Variants in BCAR3 observed in about 807,000 individuals in gnomAD.
The protein encoded by BCAR3 is breast cancer anti-estrogen resistance protein 3.
Under a neutral mutation model 80.1 loss-of-function variants are expected in BCAR3, and 37 were observed. The observed-to-expected ratio is 0.46, with a 90% CI of 0.36 to 0.61. BCAR3 has a LOEUF of 0.61. Ranked by LOEUF, BCAR3 falls within the 20% of genes least tolerant of loss-of-function variation. The probability of loss-of-function intolerance (pLI) is 0.00; values close to 1 mark genes in which losing one functional copy is unlikely to be tolerated. For synonymous variants in BCAR3, 389 were observed against 418.9 expected, an observed-to-expected ratio of 0.93 and a Z score of 0.87; for missense variants, 978 against 1,068.2, an observed-to-expected ratio of 0.92 and a Z score of 1.18.
intron 3 of BCAR3, among the ~76,000 whole-genome samples, chr1:93,614,818 C>A (rs1463423080): frequency 9.9e-5 from 15 of 152,070 alleles, no homozygotes; most frequent in Admixed American, 9.8e-4. Context: ...CTCATCGCCA[C>A]TCTGATTACC....
intron 11 of BCAR3, among the ~76,000 whole-genome samples, chr1:93,566,343 T>G (rs1219436494): frequency 6.6e-6 from 1 of 152,162 alleles, no homozygotes; most frequent in Non-Finnish European, 1.5e-5. Flanking sequence ...ACCAGGTGCT[T>G]CCTCTTTCCT....
intron 2 of BCAR3, among the ~76,000 whole-genome samples, chr1:93,647,911 C>T (rs867199430): frequency 4.6e-5 from 7 of 151,794 alleles, no homozygotes; most frequent in African/African-American, 1.7e-4. Flanking sequence ...TAGCTGGGAT[C>T]GCAGGCATGC....
chr1:93,574,477 A>G (rs904881457), intron 8 of BCAR3, among the ~76,000 whole-genome samples: 3 of 152,218 alleles, frequency 2.0e-5, no homozygotes, highest in Non-Finnish European at 4.4e-5. Flanking sequence ...CTAAGGAGCA[A>G]GACCCCAGCC....
chr1:93,836,753 T>C (rs1165248749), intron 2 of BCAR3, among the ~76,000 whole-genome samples: 2 of 152,132 alleles, frequency 1.3e-5, no homozygotes, highest in Non-Finnish European at 2.9e-5. Flanking sequence ...ACAAAAGAAG[T>C]GAAAATGGCC....
At chr1:93,796,945 A>G (rs899898081) in intron 2 of BCAR3, among the ~76,000 whole-genome samples, 1 of 152,160 alleles carries the variant, frequency 6.6e-6, no homozygotes, top group Non-Finnish European at 1.5e-5. Context: ...TCCACTAGCT[A>G]TACTGCATTA....
intron 2 of BCAR3, among the ~76,000 whole-genome samples, chr1:93,767,412 T>C (rs528759725): frequency 2.0e-5 from 3 of 152,050 alleles, no homozygotes; most frequent in South Asian, 4.2e-4. Context: ...TAGTCTCAGT[T>C]ACTTGGGAGA....
intron 2 of BCAR3, among the ~76,000 whole-genome samples, chr1:93,726,664 A>G (rs574542881): frequency 6.6e-6 from 1 of 152,210 alleles, no homozygotes; most frequent in Non-Finnish European, 1.5e-5. Flanking sequence ...AGTTGATGGC[A>G]TCTTGCAATT....
At chr1:93,585,831 C>T (rs1673920095) in intron 5 of BCAR3, among the ~76,000 whole-genome samples, 1 of 152,118 alleles carries the variant, frequency 6.6e-6, no homozygotes. Context: ...TTCAACCTCC[C>T]AGGCTCAAGC....
intron 2 of BCAR3, among the ~76,000 whole-genome samples, chr1:93,642,685 G>A (rs139756743): frequency 3.3e-5 from 5 of 152,240 alleles, no homozygotes; most frequent in Non-Finnish European, 5.9e-5. Context: ...GTACGGGAAC[G>A]TGTGGCACTT....
intron 3 of BCAR3, among the ~76,000 whole-genome samples, chr1:93,630,399 G>A (rs1276965337): frequency 1.3e-5 from 2 of 151,590 alleles, no homozygotes; most frequent in Admixed American, 6.6e-5. Context: ...CAAGGCAGGC[G>A]AATCACTTGA....
chr1:93,814,498 G>A (rs1215686705), intron 2 of BCAR3, among the ~76,000 whole-genome samples: 1 of 152,224 alleles, frequency 6.6e-6, no homozygotes, highest in Non-Finnish European at 1.5e-5. Flanking sequence ...GGTCCCTGGA[G>A]TGGTAAAGCT....
chr1:93,808,644 G>T (rs1227144423), intron 2 of BCAR3, among the ~76,000 whole-genome samples: 1 of 151,894 alleles, frequency 6.6e-6, no homozygotes, highest in Non-Finnish European at 1.5e-5. Flanking sequence ...GGAAGATAGA[G>T]AACTACACAG....
At chr1:93,706,402 A>T (rs1649829395) in intron 2 of BCAR3, among the ~76,000 whole-genome samples, 1 of 152,196 alleles carries the variant, frequency 6.6e-6, no homozygotes, top group South Asian at 2.1e-4. Context: ...CTCACAGGAC[A>T]GCAGTTCCCT....
upstream of BCAR3, among the ~76,000 whole-genome samples, chr1:93,684,783 G>A (rs551266686): frequency 3.9e-5 from 6 of 152,308 alleles, no homozygotes; most frequent in Non-Finnish European, 7.3e-5. Context: ...AGGCTGGAGT[G>A]CAATGGTGTG....
At position 93,592,283 on chromosome 1, in the gene BCAR3, G is replaced by A. The variant is rs773514115; in HGVS notation, c.468C>T (p.His156=). 1.9e-5 allele frequency: 31 copies of A among 1,613,152 alleles called. 2 individuals carry two copies. The highest frequency in any genetic ancestry group is 1.4e-4 in the South Asian group (13 of 91,084). ...SEDLRSHAWY[H]GRIPRQVSEN... ...CAGGTACCTGTCGGGGGATGCGGCC[G>A]TGGTACCAGGCATGGCTGCGCAGGT... is the stretch of plus-strand genomic sequence containing the variant. Residue 156 remains histidine, a synonymous_variant, in exon 4 of 12, where the codon CAC becomes CAT. Coordinates refer to ENST00000260502, the MANE Select transcript of BCAR3 (RefSeq NM_003567.4). The surrounding 1 kb of genome is among the most constrained non-coding windows in gnomAD (Gnocchi z 4.8).
At chr1:93,842,411 C>T (rs1174167848) in intron 2 of BCAR3, among the ~76,000 whole-genome samples, 2 of 152,164 alleles carry the variant, frequency 1.3e-5, no homozygotes, top group African/African-American at 4.8e-5. Flanking sequence ...CTCAGCCTCC[C>T]CAAGTGCTAG....
At chr1:93,819,316 G>C (rs149640829) in intron 2 of BCAR3, among the ~76,000 whole-genome samples, 1 of 152,208 alleles carries the variant, frequency 6.6e-6, no homozygotes, top group South Asian at 2.1e-4. Flanking sequence ...CACCCACCTC[G>C]GCCTCCCGAA....
intron 5 of BCAR3, among the ~76,000 whole-genome samples, chr1:93,584,406 G>A (rs1673858013): frequency 6.6e-6 from 1 of 152,200 alleles, no homozygotes; most frequent in African/African-American, 2.4e-5. Flanking sequence ...CTGTTGAACA[G>A]AGTAGGGTAA....
At chr1:93,783,247 C>G (rs77885768) in intron 2 of BCAR3, among the ~76,000 whole-genome samples, 1 of 152,306 alleles carries the variant, frequency 6.6e-6, no homozygotes, top group African/African-American at 2.4e-5. Context: ...GTTGGACCAG[C>G]TAATCGTTAT....
Sources: gnomAD v4.1 joint callset for allele counts (sites outside exome capture counted in the v4.1 genomes callset) on GRCh38, gnomAD v4.1.1 for gene constraint, Gnocchi (gnomAD v3.1) non-coding constraint, MANE v1.5 for transcripts, NCBI Gene and HGNC (gene_info 2026-07-23, HGNC 2026-07-21) for gene names.